AGMO: variants seen among roughly 807,000 people sequenced by gnomAD.
The protein encoded by AGMO is alkylglycerol monooxygenase.
A neutral mutation model predicts 60.2 loss-of-function variants in AGMO; 75 were observed. The observed-to-expected ratio is 1.25, with a 90% CI of 1.03 to 1.51. The LOEUF is 1.51. AGMO is among the 40% of genes most tolerant of loss of function. The pLI is 0.00. For synonymous variants in AGMO, 261 were observed against 177.1 expected (o/e 1.47, Z -3.76); for missense variants, 763 against 525.5 (o/e 1.45, Z -4.42).
At chr7:15,560,908 T>C (rs997279664) in intron 1 of AGMO, among the ~76,000 whole-genome samples, 1 of 152,170 alleles carries the variant, frequency 6.6e-6, no homozygotes, top group Non-Finnish European at 1.5e-5. Context: ...GTATAAACAA[T>C]AATAATTTAT....
intron 12 of AGMO, among the ~76,000 whole-genome samples, chr7:15,355,170 A>G (rs1054719152): frequency 3.3e-5 from 5 of 152,114 alleles, no homozygotes; most frequent in African/African-American, 1.2e-4. Context: ...AAAAATCATC[A>G]TCTGTGCACT....
At chr7:15,294,583 A>G (rs1784360880) in intron 12 of AGMO, among the ~76,000 whole-genome samples, 1 of 152,008 alleles carries the variant, frequency 6.6e-6, no homozygotes, top group Non-Finnish European at 1.5e-5. Context: ...AAATAATACT[A>G]CAAAATATTT....
At chr7:15,306,488 G>C (rs1469432475) in intron 12 of AGMO, 1 of 469,182 alleles carries the variant, frequency 2.1e-6, no homozygotes, top group African/African-American at 2.0e-5. Context: ...TTCCAGCTGT[G>C]AGACAGTCAC....
intron 12 of AGMO, among the ~76,000 whole-genome samples, chr7:15,239,350 A>G (rs1782521162): frequency 6.6e-6 from 1 of 152,156 alleles, no homozygotes; most frequent in Non-Finnish European, 1.5e-5. Flanking sequence ...AATGAGTTCC[A>G]TTGCAGATGG....
Position 15,323,011 on chromosome 7 carries a change from A to G in AGMO, c.1263+42503T>C, listed in dbSNP as rs1026111001. Reference sequence around the variant, plus strand: ...TTTTTTATTTTTTCCTGTATCAAGAAAGGAAATTTTGTAGGTCGTTATGTA... The same window carrying G: ...TTTTTTATTTTTTCCTGTATCAAGAGAGGAAATTTTGTAGGTCGTTATGTA... On this transcript the variant is annotated intron_variant, in intron 12 of 12. Transcript: ENST00000342526. 6.8e-5 allele frequency among the ~76,000 whole-genome samples: 4 copies of G among 58,742 alleles called. No individual in the cohort carries two copies. In the Admixed American group the frequency reaches 1.1e-3, roughly 16 times the overall value. The allele number at this position is 58,742 out of a possible 152,430, so 38.5% of individuals were successfully genotyped here.
the AGMO span, among the ~76,000 whole-genome samples, chr7:15,158,384 T>C: frequency 2.6e-5 from 4 of 152,296 alleles, no homozygotes; most frequent in East Asian, 7.7e-4. Flanking sequence ...AAAACAACCT[T>C]TACATTTGTG....
chr7:15,382,777 G>A (rs1462033773), intron 10 of AGMO, among the ~76,000 whole-genome samples: 2 of 152,116 alleles, frequency 1.3e-5, no homozygotes, highest in African/African-American at 2.4e-5. Flanking sequence ...TAGAGCAGAA[G>A]ACACCTAATG....
intron 12 of AGMO, among the ~76,000 whole-genome samples, chr7:15,259,590 C>T (rs763813587): frequency 2.6e-5 from 4 of 151,908 alleles, no homozygotes; most frequent in Non-Finnish European, 4.4e-5. Context: ...AAGATCATCG[C>T]CTAGGCACAT....
chr7:15,185,064 TTTCA>T, the AGMO span, among the ~76,000 whole-genome samples: 1 of 152,186 alleles, frequency 6.6e-6, no homozygotes, highest in Non-Finnish European at 1.5e-5. Context: ...AAATCTATTC[TTTCA>T]ATGTTTTTCA....
At chr7:15,395,686 TTATTC>T (rs1164895354) in intron 5 of AGMO, among the ~76,000 whole-genome samples, 5 of 152,212 alleles carry the variant, frequency 3.3e-5, no homozygotes, top group Non-Finnish European at 7.3e-5. Flanking sequence ...AAATTTATTG[TTATTC>T]TAATTTTATG....
chr7:15,417,893 A>G (rs1292403345), intron 5 of AGMO, among the ~76,000 whole-genome samples: 1 of 152,184 alleles, frequency 6.6e-6, no homozygotes, highest in Non-Finnish European at 1.5e-5. Flanking sequence ...GTGTATAGGT[A>G]AGAATTTTTC....
intron 12 of AGMO, among the ~76,000 whole-genome samples, chr7:15,343,178 C>G (rs989337872): frequency 8.5e-5 from 13 of 152,232 alleles, no homozygotes; most frequent in African/African-American, 3.1e-4. Context: ...GATAACATAT[C>G]TCCCCACTCG....
At chr7:15,271,357 T>C (rs1783605508) in intron 12 of AGMO, among the ~76,000 whole-genome samples, 1 of 152,206 alleles carries the variant, frequency 6.6e-6, no homozygotes, top group African/African-American at 2.4e-5. Flanking sequence ...CAGTGTTTTG[T>C]AGTTCTCCTT....
intron 8 of AGMO, among the ~76,000 whole-genome samples, chr7:15,390,444 C>G (rs1784089578): frequency 6.6e-6 from 1 of 152,154 alleles, no homozygotes; most frequent in Non-Finnish European, 1.5e-5. Flanking sequence ...ATTTTTCATT[C>G]TAGGCCATAG....
chr7:15,393,460 T>C (rs528289972), intron 6 of AGMO, among the ~76,000 whole-genome samples: 82 of 152,384 alleles, frequency 5.4e-4, no homozygotes, highest in Middle Eastern at 3.4e-3. Flanking sequence ...TAATATAAGA[T>C]TTATCTATTC....
intron 3 of AGMO, among the ~76,000 whole-genome samples, chr7:15,524,159 AAG>A (rs1784066887): frequency 6.6e-6 from 1 of 152,078 alleles, no homozygotes; most frequent in Non-Finnish European, 1.5e-5. Context: ...ATGAAAGTGT[AAG>A]AGTAAAATGC....
At chr7:15,179,342 G>C in the AGMO span, among the ~76,000 whole-genome samples, 1 of 152,152 alleles carries the variant, frequency 6.6e-6, no homozygotes, top group African/African-American at 2.4e-5. Context: ...CTGTGAGCCT[G>C]TGAAATCAAA....
intron 12 of AGMO, among the ~76,000 whole-genome samples, chr7:15,321,920 C>A (rs1229939157): frequency 2.6e-5 from 4 of 151,862 alleles, no homozygotes; most frequent in Non-Finnish European, 5.9e-5. Flanking sequence ...AATTGGAGGT[C>A]TATTTAATAC....
rs552774785 is a variant in AGMO, at chr7:15,202,412, G to A, written c.1264-1053C>T. ...GAACTATGCTGATTTTGCTATTAAA[G>A]CATGAATGAGGAAAAAACATCACCA... On this transcript the variant is annotated intron_variant, in intron 12 of 12. Transcript: ENST00000342526. Among the ~76,000 whole-genome samples the A allele has an allele frequency of 1.2e-4, 14 of 114,316 alleles. No individual in the cohort carries two copies. The East Asian group carries it at 3.2e-3, about 26-fold the overall frequency. The allele number at this position is 114,316 out of a possible 152,430, so 75.0% of individuals were successfully genotyped here. A position where few individuals can be genotyped will look rare whatever the true frequency, so the allele number is the denominator to read the frequency against.
Sources: gnomAD v4.1 joint callset for allele counts (sites outside exome capture counted in the v4.1 genomes callset) on GRCh38, gnomAD v4.1.1 for gene constraint, MANE v1.5 for transcripts, NCBI Gene and HGNC (gene_info 2026-07-23, HGNC 2026-07-21) for gene names.